MX2: variants seen among roughly 807,000 people sequenced by gnomAD.
MX2 encodes the protein MX dynamin like GTPase 2.
Under a neutral mutation model 74.0 loss-of-function variants are expected in MX2, and 51 were observed. That is an observed-to-expected ratio of 0.69 (90% CI 0.55 to 0.87). MX2 has a LOEUF of 0.87. Ranked by LOEUF, MX2 falls within the 40% of genes least tolerant of loss-of-function variation. MX2 has a pLI of 0.00. For missense variants in MX2, 832 were observed against 908.7 expected, an observed-to-expected ratio of 0.92 and a Z score of 1.09; for synonymous variants, 369 against 339.3, an observed-to-expected ratio of 1.09 and a Z score of -0.96.
At chr21:41,394,865 G>A (rs368750) in intron 6 of MX2, among the ~76,000 whole-genome samples, 98,145 of 151,558 alleles carry the variant, frequency 0.65, 36,292 homozygotes, top group Non-Finnish European at 0.83. Flanking sequence ...CGCTTGAACC[G>A]GGGAGGCGGA....
rs796704640 is a variant in MX2, at chr21:41,402,809, G to A, written c.1574-458G>A. On this transcript the variant is annotated intron_variant, in intron 11 of 13. Transcript: ENST00000330714. This position sits in a 1 kb window ranked among gnomAD's most constrained non-coding sequence, Gnocchi z 4.5. ...GACAGTGACAGATCGTCAGGCATTA[G>A]ATTCTCATAAGGAACACGCAACCTA... 1.2e-5 allele frequency: 2 copies of A among 171,400 alleles called. No homozygotes were observed. The highest frequency in any genetic ancestry group is 2.5e-5 in the Non-Finnish European group (2 of 78,878). The allele number at this position is 171,400 out of a possible 1,614,324, so 10.6% of individuals were successfully genotyped here.
At chr21:41,378,170 T>TGGGAGAGACACGTTG (rs2089435748) in intron 3 of MX2, among the ~76,000 whole-genome samples, 189 bp downstream of exon 3, 7 of 127,052 alleles carry the variant, frequency 5.5e-5, no homozygotes, top group Admixed American at 1.5e-4. Context: ...GAGACAGGCC[T>TGGGAGAGACACGTTG]CTGGGAGACA....
In MX2 at chr21:41,402,129, G is replaced by A; in HGVS notation, c.1573+1G>A. ...CTTAGCATGCTCCAGAAAGCCATGG[G>A]TGAGGACTTTCAAGCAGGACTCCCA... On this transcript the variant is annotated splice_donor_variant, in intron 11 of 13. Transcript: ENST00000330714. LOFTEE classifies it high-confidence loss of function. The surrounding 1 kb of genome is among the most constrained non-coding windows in gnomAD (Gnocchi z 4.5). The A allele has an allele frequency of 6.2e-7, 1 of 1,611,362 alleles. No individual in the cohort carries two copies. The highest frequency in any genetic ancestry group is 8.5e-7 in the Non-Finnish European group (1 of 1,179,014).
Position 41,399,267 on chromosome 21 carries a change from C to G in MX2, c.1344C>G (p.Thr448=). Reference sequence around the variant, plus strand: ...AAGAAGTTGTAAGGGAGAATGAGACCCGTTTATACAACAAAATCAGAGAGG... The same window carrying G: ...AAGAAGTTGTAAGGGAGAATGAGACGCGTTTATACAACAAAATCAGAGAGG... ...EGEEVVRENE[T]RLYNKIREDF... is the part of the protein sequence containing the mutation. The change falls in exon 10 of 14, where the codon ACC becomes ACG. Residue 448 remains threonine (T), a synonymous_variant. Transcript: ENST00000330714. 1 of 1,613,604 alleles carries G rather than the reference C, an allele frequency of 6.2e-7. No individual in the cohort carries two copies. Among genetic ancestry groups the G allele is most frequent in the Non-Finnish European group, 8.5e-7 (1 of 1,179,602 alleles).
At chr21:41,403,407 T>A in intron 12 of MX2, 64 bp downstream of exon 12, 2 of 1,360,258 alleles carry the variant, frequency 1.5e-6, no homozygotes, top group African/African-American at 1.4e-5. Flanking sequence ...TGAGAGAAGT[T>A]GGATATTCAC....
At position 41,380,893 on chromosome 21, in the gene MX2, C is replaced by G. The variant is rs2089481311; in HGVS notation, c.577+742C>G. On this transcript the variant is annotated intron_variant, in intron 4 of 13. Transcript: ENST00000330714. The surrounding 1 kb of genome is among the most constrained non-coding windows in gnomAD (Gnocchi z 4.3). ...TTCTCCCCTATCCTGCCTGCACAGC[C>G]TGTCCTGGACTCAGCCAGGATAGAT... Among the ~76,000 whole-genome samples, 1 of 152,226 alleles carries G rather than the reference C, an allele frequency of 6.6e-6. No individual in the cohort carries two copies. Among genetic ancestry groups the G allele is most frequent in the South Asian group, 2.1e-4 (1 of 4,834 alleles).
intron 1 of MX2, among the ~76,000 whole-genome samples, chr21:41,373,256 A>G (rs2089348464): frequency 6.6e-6 from 1 of 152,176 alleles, no homozygotes; most frequent in African/African-American, 2.4e-5. Context: ...GCTCAGAGAG[A>G]GCAAGGAACC....
intron 7 of MX2, among the ~76,000 whole-genome samples, chr21:41,397,332 C>G (rs2089748895): frequency 6.6e-6 from 1 of 152,242 alleles, no homozygotes; most frequent in Non-Finnish European, 1.5e-5. Context: ...ATCTGGGCAA[C>G]TCACTTAATC....
rs759060131 is a variant in MX2 at position 41,382,547 on chromosome 21, C to T, written c.715C>T (p.Arg239Ter). The T allele has an allele frequency of 2.0e-5, 32 of 1,614,056 alleles. No individual in the cohort carries two copies. The highest frequency in any genetic ancestry group is 6.7e-5 in the Admixed American group (4 of 60,006). Reference sequence around the variant, plus strand: ...CAGGGTGGCTGTGGACAACCAGCCCCGAGACATCGGACTGCAGGTGAGCCC... The same window carrying T: ...CAGGGTGGCTGTGGACAACCAGCCCTGAGACATCGGACTGCAGGTGAGCCC... ...ITRVAVDNQPRDIGLQIKALI... is the reference protein window; with the variant it reads ...ITRVAVDNQP The change falls in exon 5 of 14, where the codon CGA (arginine) becomes TGA (stop). Residue 239 changes from arginine (R) to a stop codon, truncating the protein, a stop_gained. Transcript: ENST00000330714. LOFTEE classifies it high-confidence loss of function.
Position 41,377,967 on chromosome 21 carries a change from T to C in MX2, c.428T>C (p.Leu143Pro). The change falls in exon 3 of 14, where the codon CTT (leucine) becomes CCT (proline). Residue 143 changes from leucine (L) to proline (P), a missense_variant. By Grantham distance (98) the Leu-to-Pro change is moderately conservative. Coordinates refer to ENST00000330714, the MANE Select transcript of MX2 (RefSeq NM_002463.2). ...SVLEALSGVA[L>P]PRGSGIVTRC... The stretch of plus-strand genomic sequence containing the variant: ...CTGGAGGCACTGTCAGGAGTCGCGC[T>C]TCCCAGAGGCAGCGGTAAGTTCAAC... 1 of 1,613,244 alleles carries C rather than the reference T, an allele frequency of 6.2e-7. No individual in the cohort carries two copies. Among genetic ancestry groups the C allele is most frequent in the African/African-American group, 1.3e-5 (1 of 75,052 alleles).
At chr21:41,393,110 C>CAAAAAAAAAAAAAAAAAAAAAGAA (rs2089684043) in intron 6 of MX2, among the ~76,000 whole-genome samples, 2 of 60,070 alleles carry the variant, frequency 3.3e-5, no homozygotes, top group Admixed American at 2.5e-4. Flanking sequence ...CTCAAAAAAG[C>CAAAAAAAAAAAAAAAAAAAAAGAA]AAAAAAAAAA....
chr21:41,394,807 A>G (rs576258310), intron 6 of MX2, among the ~76,000 whole-genome samples: 37 of 152,080 alleles, frequency 2.4e-4, no homozygotes, highest in African/African-American at 8.2e-4. Flanking sequence ...TGGGCGTGGT[A>G]GCACATGCCT....
chr21:41,408,203 CTG>C lies in MX2; in HGVS notation c.2120_2121del (p.Cys707SerfsTer26), dbSNP rs1568953550. The C allele has an allele frequency of 3.1e-6, 5 of 1,614,086 alleles. No individual in the cohort carries two copies. The highest frequency in any genetic ancestry group is 4.2e-6 in the Non-Finnish European group (5 of 1,180,038). On this transcript the variant is annotated frameshift_variant, in exon 14 of 14. Coordinates refer to ENST00000330714, the MANE Select transcript of MX2 (RefSeq NM_002463.2). LOFTEE classifies it low-confidence loss of function (END_TRUNC). ...YRLTQARHAL[C>X]QFSSKEIH ...GGCTCACTCAGGCGCGACACGCACT[CTG>C]TCAATTCTCCAGCAAAGAGATCCAC...
chr21:41,377,420 A>G (rs938582489), intron 2 of MX2, among the ~76,000 whole-genome samples: 4 of 152,088 alleles, frequency 2.6e-5, no homozygotes, highest in East Asian at 1.9e-4. Context: ...CCCTGCAGCC[A>G]TCACATTGCC....
chr21:41,362,762 T>TTTTTTTTTTTTTTC (rs1568928209), intron 1 of MX2, among the ~76,000 whole-genome samples: 1 of 125,242 alleles, frequency 8.0e-6, no homozygotes, highest in Non-Finnish European at 1.6e-5. Context: ...TTTTTTTTTT[T>TTTTTTTTTTTTTTC]TTTTTTTTTT....
At chr21:41,389,288 G>GCC (rs979990060) in intron 5 of MX2, among the ~76,000 whole-genome samples, 6 of 152,068 alleles carry the variant, frequency 3.9e-5, no homozygotes, top group African/African-American at 9.7e-5. Flanking sequence ...GCCGAGGTGA[G>GCC]CAGATTACTT....
At chr21:41,399,613 T>C (rs2089784625) in intron 10 of MX2, 1 of 308,906 alleles carries the variant, frequency 3.2e-6, no homozygotes, top group Non-Finnish European at 6.2e-6. Flanking sequence ...TTGCCTAGGC[T>C]GGAGTGTAGT....
intron 1 of MX2, chr21:41,365,112 A>G (rs2089252872): frequency 6.6e-6 from 1 of 152,256 alleles, no homozygotes; most frequent in South Asian, 2.1e-4. Context: ...AGTTGGAAAT[A>G]GGGTCTTTGC....
chr21:41,403,478 G>T, intron 12 of MX2, 135 bp downstream of exon 12: 1 of 844,396 alleles, frequency 1.2e-6, no homozygotes, highest in East Asian at 2.6e-5. Flanking sequence ...GGCAGGGCTG[G>T]CGGGGCTGGT....
Sources: gnomAD v4.1 joint callset for allele counts (sites outside exome capture counted in the v4.1 genomes callset) on GRCh38, gnomAD v4.1.1 for gene constraint, Gnocchi (gnomAD v3.1) non-coding constraint, MANE v1.5 for transcripts, NCBI Gene and HGNC (gene_info 2026-07-23, HGNC 2026-07-21) for gene names.